DYM: variants seen among roughly 807,000 people sequenced by gnomAD.
The protein encoded by DYM is dyggve-Melchior-Clausen syndrome protein.
Under a neutral mutation model 93.1 loss-of-function variants are expected in DYM, and 78 were observed. The ratio of observed to expected loss-of-function variants is 0.84; its 90% CI spans 0.70 to 1.01. DYM has a LOEUF of 1.01. DYM is among the 50% of genes least tolerant of loss of function. DYM has a pLI of 0.00. For missense variants in DYM, 789 were observed against 845.0 expected, an observed-to-expected ratio of 0.93 and a Z score of 0.82; for synonymous variants, 321 against 319.7, an observed-to-expected ratio of 1.00 and a Z score of -0.04.
chr18:49,334,553 G>A (rs933413227), intron 6 of DYM, among the ~76,000 whole-genome samples: 3 of 152,142 alleles, frequency 2.0e-5, no homozygotes, highest in African/African-American at 7.2e-5. Flanking sequence ...TCCAGTTACT[G>A]CAAAAGTTTA....
chr18:49,358,944 C>T (rs1390748309), intron 6 of DYM, among the ~76,000 whole-genome samples: 4 of 152,188 alleles, frequency 2.6e-5, no homozygotes, highest in Admixed American at 1.3e-4. Context: ...CCCCAAAATA[C>T]AAGGATGGGT....
chr18:49,094,476 A>C (rs926443241), intron 17 of DYM, among the ~76,000 whole-genome samples: 1 of 152,204 alleles, frequency 6.6e-6, no homozygotes, highest in Non-Finnish European at 1.5e-5. Context: ...GTCTCTGTTT[A>C]AGCAGGAGGC....
intron 2 of DYM, among the ~76,000 whole-genome samples, chr18:49,395,787 AAGGATGC>A (rs2147966614): frequency 6.6e-6 from 1 of 152,334 alleles, no homozygotes; most frequent in Admixed American, 6.5e-5. Flanking sequence ...AAATGTTGGC[AAGGATGC>A]AGAGAAAGGG....
intron 14 of DYM, among the ~76,000 whole-genome samples, chr18:49,205,129 T>A (rs2048826949): frequency 6.6e-6 from 1 of 151,978 alleles, no homozygotes; most frequent in Non-Finnish European, 1.5e-5. Flanking sequence ...CCCAGCTAAT[T>A]TTTTGTATTT....
At chr18:49,137,000 A>G (rs1043031280) in intron 15 of DYM, among the ~76,000 whole-genome samples, 1 of 152,258 alleles carries the variant, frequency 6.6e-6, no homozygotes, top group Non-Finnish European at 1.5e-5. Context: ...CAATGGCAAC[A>G]AAGCTAAAAT....
intron 3 of DYM, among the ~76,000 whole-genome samples, chr18:49,387,370 G>A (rs540067828): frequency 1.4e-3 from 207 of 152,068 alleles, no homozygotes; most frequent in East Asian, 9.7e-4. Flanking sequence ...TCTGCCTTCC[G>A]GGTTCAAGTG....
intron 14 of DYM, among the ~76,000 whole-genome samples, chr18:49,184,414 G>A (rs958196991): frequency 2.0e-5 from 3 of 152,046 alleles, no homozygotes; most frequent in East Asian, 1.9e-4. Context: ...AATTCCCTAA[G>A]GACTGGGTTA....
intron 15 of DYM, among the ~76,000 whole-genome samples, chr18:49,130,735 C>T (rs1035814738): frequency 6.6e-6 from 1 of 152,292 alleles, no homozygotes; most frequent in South Asian, 2.1e-4. Context: ...GGTGCTATGG[C>T]AGATGCTGGG....
chr18:49,381,954 C>T (rs928384351), intron 3 of DYM, among the ~76,000 whole-genome samples: 1 of 151,400 alleles, frequency 6.6e-6, no homozygotes, highest in African/African-American at 2.4e-5. Flanking sequence ...AAACGCATCT[C>T]TGTGGGACTT....
intron 2 of DYM, among the ~76,000 whole-genome samples, chr18:49,409,922 G>A (rs1029645356): frequency 3.3e-5 from 5 of 152,200 alleles, no homozygotes; most frequent in African/African-American, 9.7e-5. Flanking sequence ...GACTTAGGTC[G>A]TGGAGCCTAT....
At chr18:49,274,096 A>G (rs924967362) in intron 10 of DYM, among the ~76,000 whole-genome samples, 56 of 152,202 alleles carry the variant, frequency 3.7e-4, no homozygotes, top group African/African-American at 1.3e-3. Flanking sequence ...AACCATCACC[A>G]CAGGCAACTT....
intron 15 of DYM, among the ~76,000 whole-genome samples, chr18:49,151,308 T>G (rs887636390): frequency 2.6e-5 from 4 of 152,218 alleles, no homozygotes; most frequent in African/African-American, 9.6e-5. Flanking sequence ...CAGAAATCCG[T>G]GAAATTTCCA....
intron 15 of DYM, among the ~76,000 whole-genome samples, chr18:49,124,002 T>C (rs563262113): frequency 1.3e-5 from 2 of 152,342 alleles, no homozygotes; most frequent in African/African-American, 4.8e-5. Context: ...TAAGTGCTGA[T>C]ATATGAAACT....
intron 13 of DYM, among the ~76,000 whole-genome samples, chr18:49,245,722 T>C (rs1397363792): frequency 2.0e-5 from 3 of 152,188 alleles, no homozygotes; most frequent in Admixed American, 2.0e-4. Flanking sequence ...TTATTGCCCT[T>C]TGAAGCATGT....
At chr18:49,262,614 T>C (rs1245581648) in intron 11 of DYM, among the ~76,000 whole-genome samples, 1 of 152,226 alleles carries the variant, frequency 6.6e-6, no homozygotes, top group African/African-American at 2.4e-5. Context: ...ATAGTACTAG[T>C]TCTTTTTTTA....
rs537321650 is a variant in DYM, at chr18:49,040,555, G to A, written c.*3500C>T. On this transcript the variant is annotated 3_prime_UTR_variant, in exon 18 of 18. Transcript: ENST00000675505. ...AGCTCTTCATCACTGAATAGAAACTGACCTCTTTGACTCCAGGAGGTGATG... is the reference window on the plus strand; with the variant it reads ...AGCTCTTCATCACTGAATAGAAACTAACCTCTTTGACTCCAGGAGGTGATG... Among the ~76,000 whole-genome samples the A allele has an allele frequency of 2.6e-5, 4 of 152,162 alleles. No homozygotes were observed. The highest frequency in any genetic ancestry group is 5.9e-5 in the Non-Finnish European group (4 of 68,020).
chr18:49,434,112 A>G (rs571481172), intron 1 of DYM, among the ~76,000 whole-genome samples: 1 of 152,102 alleles, frequency 6.6e-6, no homozygotes, highest in South Asian at 2.1e-4. Context: ...TTGGGAGGCC[A>G]AGACGGGCAG....
chr18:49,281,021 C>G (rs911919478), intron 10 of DYM, among the ~76,000 whole-genome samples: 9 of 152,236 alleles, frequency 5.9e-5, no homozygotes, highest in South Asian at 4.1e-4. Flanking sequence ...AGGCAACCTA[C>G]AGAATGGGAG....
At chr18:49,399,124 A>T (rs2070467499) in intron 2 of DYM, among the ~76,000 whole-genome samples, 1 of 152,222 alleles carries the variant, frequency 6.6e-6, no homozygotes. Context: ...CCTCCAGGCT[A>T]CATGGAGGAA....
Sources: allele counts gnomAD v4.1 joint callset (sites outside exome capture counted in the v4.1 genomes callset), GRCh38; gene constraint gnomAD v4.1.1; transcripts MANE v1.5; gene names NCBI Gene and HGNC (gene_info 2026-07-23, HGNC 2026-07-21).